NPAS3: variants seen among roughly 807,000 people sequenced by gnomAD.
NPAS3 encodes neuronal PAS domain protein 3.
NPAS3 carries 14 observed loss-of-function variants against 73.1 expected under a neutral mutation model. The ratio of observed to expected loss-of-function variants is 0.19; its 90% CI spans 0.13 to 0.30. NPAS3 has a LOEUF of 0.30. Ranked by LOEUF, NPAS3 falls within the 10% of genes least tolerant of loss-of-function variation. The pLI is 1.00. For missense variants in NPAS3, 1,096 were observed against 1,250.0 expected (o/e 0.88, Z 1.86); for synonymous variants, 620 against 541.5 (o/e 1.14, Z -2.01).
In NPAS3 at chr14:33,116,534, G is replaced by A. The variant is rs527452891; in HGVS notation, c.140+60540G>A. Among the ~76,000 whole-genome samples the A allele has an allele frequency of 2.6e-5, 4 of 152,182 alleles. No homozygotes were observed. The South Asian group carries it at 8.3e-4, about 32-fold the overall frequency. On this transcript the variant is annotated intron_variant, in intron 2 of 11. Transcript: ENST00000356141. ...AACTTATAAGACATTACTAAGATAA[G>A]TGCTATATTATAGCAATGCTAGATG... is the stretch of plus-strand genomic sequence containing the variant.
chr14:33,340,081 T>C (rs1388554639), intron 3 of NPAS3, among the ~76,000 whole-genome samples: 2 of 152,194 alleles, frequency 1.3e-5, no homozygotes, highest in Non-Finnish European at 2.9e-5. Flanking sequence ...ATGGTTTCCA[T>C]TTTTTGAATA....
In NPAS3 at chr14:33,382,985, G is replaced by C. The variant is rs148386180; in HGVS notation, c.468+15717G>C. Reference sequence around the variant, plus strand: ...GCCTGTAGTACTAGCTACTTTGGAGGCTGAGGCAGGAAAATTGCTGGAGCT... The same window carrying C: ...GCCTGTAGTACTAGCTACTTTGGAGCCTGAGGCAGGAAAATTGCTGGAGCT... On this transcript the variant is annotated intron_variant, in intron 4 of 11. Transcript: ENST00000356141. 8.8e-4 allele frequency among the ~76,000 whole-genome samples: 134 copies of C among 151,652 alleles called. 1 individual carries two copies. In the East Asian group the frequency reaches 0.022, roughly 25 times the overall value.
chr14:33,213,671 G>T (rs1199620928), intron 2 of NPAS3: 1 of 152,110 alleles, frequency 6.6e-6, no homozygotes, highest in African/African-American at 2.4e-5. Flanking sequence ...ATGTATCAAG[G>T]GGCAAAGATT....
intron 4 of NPAS3, among the ~76,000 whole-genome samples, chr14:33,447,199 T>C (rs1219147288): frequency 2.0e-5 from 3 of 152,212 alleles, no homozygotes; most frequent in African/African-American, 4.8e-5. Flanking sequence ...CAGAGAGTCT[T>C]TGCAGAGGAT....
rs182963824 is a variant in NPAS3, at chr14:33,479,602, G to A, written c.469-80519G>A. Among the ~76,000 whole-genome samples the A allele has an allele frequency of 6.5e-3, 984 of 152,216 alleles. 5 individuals are homozygous for A. The highest frequency in any genetic ancestry group is 9.7e-3 in the Non-Finnish European group (661 of 67,998). On this transcript the variant is annotated intron_variant, in intron 4 of 11. Coordinates refer to ENST00000356141, the Ensembl canonical transcript of NPAS3. ...AAAGTGCAGCTTGTGATCCCTAGAGGGTACAGCAAAGTTCTTATAGGAGTT... is the reference window on the plus strand; with the variant it reads ...AAAGTGCAGCTTGTGATCCCTAGAGAGTACAGCAAAGTTCTTATAGGAGTT...
At chr14:33,705,400 G>T (rs113408891) in intron 6 of NPAS3, among the ~76,000 whole-genome samples, 1 of 152,304 alleles carries the variant, frequency 6.6e-6, no homozygotes, top group East Asian at 1.9e-4. Flanking sequence ...ATGAAGATAT[G>T]TTGCTAACCC....
intron 4 of NPAS3, among the ~76,000 whole-genome samples, chr14:33,553,256 G>A (rs1479464781): frequency 6.6e-6 from 1 of 152,190 alleles, no homozygotes; most frequent in Non-Finnish European, 1.5e-5. Context: ...GGAATTTTAA[G>A]GAGCAGAAGT....
At chr14:33,600,539 TAAAG>T (rs2057370521) in intron 5 of NPAS3, among the ~76,000 whole-genome samples, 1 of 152,130 alleles carries the variant, frequency 6.6e-6, no homozygotes. Flanking sequence ...AATTGTATAA[TAAAG>T]AACCATGTAG....
At chr14:33,264,545 C>CTA (rs1348423653) in intron 3 of NPAS3, among the ~76,000 whole-genome samples, 3 of 152,082 alleles carry the variant, frequency 2.0e-5, no homozygotes, top group Non-Finnish European at 4.4e-5. Flanking sequence ...TATTAATAGT[C>CTA]TATACTCATA....
intron 5 of NPAS3, among the ~76,000 whole-genome samples, chr14:33,642,264 C>G (rs2058694706): frequency 6.6e-6 from 1 of 152,146 alleles, no homozygotes; most frequent in Admixed American, 6.5e-5. Context: ...GGCACATTTA[C>G]CATTCCCCAC....
intron 2 of NPAS3, among the ~76,000 whole-genome samples, chr14:33,171,264 A>G (rs2139378647): frequency 6.6e-6 from 1 of 152,314 alleles, no homozygotes; most frequent in South Asian, 2.1e-4. Flanking sequence ...ACCATGGTGT[A>G]AACATTGTAC....
At chr14:32,938,457 A>AAGAG (rs139406191), upstream of NPAS3, among the ~76,000 whole-genome samples, 207 of 68,662 alleles carry the variant, frequency 3.0e-3, 3 homozygotes, top group Admixed American at 4.5e-3. Context: ...CCCAACGAGA[A>AAGAG]AGAGAGAGAG....
intron 2 of NPAS3, among the ~76,000 whole-genome samples, chr14:33,193,197 AGT>A (rs1491131375): frequency 1.4e-5 from 1 of 73,562 alleles, no homozygotes; most frequent in Non-Finnish European, 3.0e-5. Context: ...GAAGTGTCTT[AGT>A]TTTTTTTTTT....
rs532490239 is a variant in NPAS3 at position 33,257,823 on chromosome 14, T to C, written c.385+42397T>C. ...TCTTTTAATGTGTGTTTTCCTATTA[T>C]ATTACAAAGGAGAAGTGCCACAATA... On this transcript the variant is annotated intron_variant, in intron 3 of 11. Transcript: ENST00000356141. Among the ~76,000 whole-genome samples, 8 of 152,286 alleles carry C rather than the reference T, an allele frequency of 5.3e-5. No homozygotes were observed. The South Asian group carries it at 1.7e-3, about 32-fold the overall frequency.
chr14:33,722,546 T>A (rs945710448), intron 6 of NPAS3, among the ~76,000 whole-genome samples: 8 of 152,172 alleles, frequency 5.3e-5, no homozygotes, highest in Non-Finnish European at 1.2e-4. Context: ...AAGGTTATAA[T>A]GATGAAGCCT....
intron 5 of NPAS3, among the ~76,000 whole-genome samples, chr14:33,595,477 T>C (rs1475921390): frequency 6.6e-6 from 1 of 152,226 alleles, no homozygotes; most frequent in Non-Finnish European, 1.5e-5. Flanking sequence ...TTTTGAATGC[T>C]GAAATAAAAT....
intron 3 of NPAS3, among the ~76,000 whole-genome samples, chr14:33,322,654 T>G (rs1396985465): frequency 6.6e-6 from 1 of 152,128 alleles, no homozygotes; most frequent in Non-Finnish European, 1.5e-5. Flanking sequence ...AGTCCTGAGC[T>G]CTCTCCCTGT....
chr14:33,551,287 G>A (rs1450562909), intron 4 of NPAS3, among the ~76,000 whole-genome samples: 1 of 152,146 alleles, frequency 6.6e-6, no homozygotes, highest in Non-Finnish European at 1.5e-5. Context: ...AATTCATTAA[G>A]GGATTCTTTA....
At chr14:33,024,708 A>T (rs11847396) in intron 1 of NPAS3, among the ~76,000 whole-genome samples, 4 of 152,166 alleles carry the variant, frequency 2.6e-5, no homozygotes, top group African/African-American at 7.2e-5. Context: ...CACACACCTA[A>T]GACTATAGAA....
Sources: allele counts gnomAD v4.1 joint callset (sites outside exome capture counted in the v4.1 genomes callset), GRCh38; gene constraint gnomAD v4.1.1; transcripts MANE v1.5; gene names NCBI Gene and HGNC (gene_info 2026-07-23, HGNC 2026-07-21).